Variants in TRAPPC2B observed in about 807,000 individuals in gnomAD.
TRAPPC2B encodes the protein trafficking protein particle complex subunit 2B.
A neutral mutation model predicts 8.4 loss-of-function variants in TRAPPC2B; 5 were observed. That is an observed-to-expected ratio of 0.59 (90% CI 0.31 to 1.25). TRAPPC2B has a LOEUF of 1.25. Among genes scored for constraint, TRAPPC2B ranks in the 50% most tolerant of loss-of-function variants. The probability of loss-of-function intolerance (pLI) is 0.06; values close to 1 mark genes in which losing one functional copy is unlikely to be tolerated. For synonymous variants in TRAPPC2B, 46 were observed against 58.1 expected (o/e 0.79, Z 0.95); for missense variants, 161 against 173.2 (o/e 0.93, Z 0.40).
intron 1 of TRAPPC2B, 114 bp from the exon 2 acceptor site, chr19:57,364,701 A>G (rs2088450336): frequency 2.7e-6 from 2 of 754,618 alleles, no homozygotes; most frequent in South Asian, 3.4e-5. Context: ...AGATCGCGCC[A>G]TTGCACTCCA....
chr19:57,365,098 A>G lies in TRAPPC2B; in HGVS notation c.265A>G (p.Ile89Val), dbSNP rs942808725. ...GHMRFIMLHD[I>V]RQEDGIKNFF... The stretch of plus-strand genomic sequence containing the variant: ...TATGAGGTTTATTATGCTTCATGAC[A>G]TAAGACAAGAAGATGGAATAAAGAA... The change falls in exon 2 of 2, where the codon ATA becomes GTA. Residue 89 changes from isoleucine (I) to valine (V), a missense_variant. By Grantham distance (29) the Ile-to-Val change is conservative. Coordinates refer to ENST00000543226, the MANE Select transcript of TRAPPC2B (RefSeq NM_001355204.2). 4.4e-6 allele frequency: 7 copies of G among 1,608,954 alleles called. No homozygotes were observed. Among genetic ancestry groups the G allele is most frequent in the Admixed American group, 1.7e-5 (1 of 59,834 alleles).
At chr19:57,364,002 TATAACCATGGAAGGTTGTCAAGGGAAG>T (rs1231844177) in intron 1 of TRAPPC2B, 1 of 152,232 alleles carries the variant, frequency 6.6e-6, no homozygotes, top group Non-Finnish European at 1.5e-5. Flanking sequence ...GAGCAGCCGG[TATAACCATGGAAGGTTGTCAAGGGAAG>T]ACCAGTGGGA....
intron 1 of TRAPPC2B, chr19:57,363,908 T>A (rs2088442242): frequency 6.6e-6 from 1 of 152,304 alleles, no homozygotes; most frequent in Non-Finnish European, 1.5e-5. Flanking sequence ...TGCTGCCAAG[T>A]GGGCCGCGTC....
rs1221676574 is a variant in TRAPPC2B at position 57,364,973 on chromosome 19, A to G, written c.140A>G (p.Asp47Gly). The change falls in exon 2 of 2, where the codon GAC (aspartate) becomes GGC (glycine). Residue 47 changes from aspartate (D) to glycine (G), a missense_variant. Transcript: ENST00000543226. ...LNQFIAHAALDLVDENMWLSN... is the reference protein window; with the variant it reads ...LNQFIAHAALGLVDENMWLSN... ...CAGTTCATAGCTCATGCTGCTCTCG[A>G]CCTCGTAGATGAGAACATGTGGCTG... is the stretch of plus-strand genomic sequence containing the variant. 2 of 1,613,050 alleles carry G rather than the reference A, an allele frequency of 1.2e-6. No individual in the cohort carries two copies. The highest frequency in any genetic ancestry group is 1.7e-6 in the Non-Finnish European group (2 of 1,179,168).
rs762797560 is a variant in TRAPPC2B at position 57,365,177 on chromosome 19, A to G, written c.344A>G (p.Tyr115Cys). The change falls in exon 2 of 2, where the codon TAT (tyrosine) becomes TGT (cysteine). Residue 115 changes from tyrosine to cysteine, a missense_variant. Coordinates refer to ENST00000543226, the MANE Select transcript of TRAPPC2B (RefSeq NM_001355204.2). ...LYIKFSMNPF[Y>C]EPNSPIRSSA... The stretch of plus-strand genomic sequence containing the variant: ...ATAAAATTTTCAATGAATCCATTTT[A>G]TGAACCCAATTCTCCTATTCGATCA... The G allele has an allele frequency of 5.0e-6, 8 of 1,593,444 alleles. No homozygotes were observed. The highest frequency in any genetic ancestry group is 3.3e-4 in the Middle Eastern group (2 of 6,052).
chr19:57,364,443 T>TCGGTGGACGCCGTA, intron 1 of TRAPPC2B: 4 of 206,436 alleles, frequency 1.9e-5, no homozygotes, highest in South Asian at 8.0e-5. Context: ...GTGTAGATTC[T>TCGGTGGACGCCGTA]TCAAAAGAAT....
In TRAPPC2B at chr19:57,364,942, C is replaced by A. The variant is rs1303426184; in HGVS notation, c.109C>A (p.Leu37Met). Residue 37 changes from leucine to methionine, a missense_variant, in exon 2 of 2, where the codon CTG (leucine) becomes ATG (methionine). Coordinates refer to ENST00000543226, the MANE Select transcript of TRAPPC2B (RefSeq NM_001355204.2). Reference protein sequence around the residue: ...KAESKDDHRHLNQFIAHAALD... With the variant: ...KAESKDDHRHMNQFIAHAALD... ...AGAATCCAAAGACGACCATCGTCATCTGAACCAGTTCATAGCTCATGCTGC... is the reference window on the plus strand; with the variant it reads ...AGAATCCAAAGACGACCATCGTCATATGAACCAGTTCATAGCTCATGCTGC... The A allele has an allele frequency of 5.0e-6, 8 of 1,613,124 alleles. No individual in the cohort carries two copies. The highest frequency in any genetic ancestry group is 3.4e-6 in the Non-Finnish European group (4 of 1,179,202).
chr19:57,364,562 G>A, intron 1 of TRAPPC2B: 3 of 501,578 alleles, frequency 6.0e-6, no homozygotes, highest in Non-Finnish European at 1.1e-5. Context: ...CCAACATGGT[G>A]AAACCCCGTC....
chr19:57,364,957 G>A lies in TRAPPC2B; in HGVS notation c.124G>A (p.Ala42Thr). The change falls in exon 2 of 2, where the codon GCT (alanine) becomes ACT (threonine). Residue 42 changes from alanine to threonine, a missense_variant. Transcript: ENST00000543226. The stretch of plus-strand genomic sequence containing the variant: ...CCATCGTCATCTGAACCAGTTCATA[G>A]CTCATGCTGCTCTCGACCTCGTAGA... The part of the protein sequence containing the change: ...DDHRHLNQFI[A>T]HAALDLVDEN... 6.2e-7 allele frequency: 1 copy of A among 1,613,106 alleles called. No individual in the cohort carries two copies. The highest frequency in any genetic ancestry group is 8.5e-7 in the Non-Finnish European group (1 of 1,179,204).
At chr19:57,363,780 C>G (rs1396377859) in intron 1 of TRAPPC2B, 77 bp downstream of exon 1, 1 of 149,630 alleles carries the variant, frequency 6.7e-6, no homozygotes, top group East Asian at 2.0e-4. Flanking sequence ...AGAAGGGGCC[C>G]TGCAGGTCAG....
Position 57,364,990 on chromosome 19 carries a change from A to T in TRAPPC2B, c.157A>T (p.Met53Leu), listed in dbSNP as rs1600073960. 6.2e-7 allele frequency: 1 copy of T among 1,613,042 alleles called. No individual in the cohort carries two copies. Among genetic ancestry groups the T allele is most frequent in the East Asian group, 2.2e-5 (1 of 44,874 alleles). Residue 53 changes from methionine (M) to leucine (L), a missense_variant, in exon 2 of 2, where the codon ATG becomes TTG. Coordinates refer to ENST00000543226, the MANE Select transcript of TRAPPC2B (RefSeq NM_001355204.2). ...TGCTCTCGACCTCGTAGATGAGAAC[A>T]TGTGGCTGTCGAACAACATGTACTT... The part of the protein sequence containing the change: ...HAALDLVDEN[M>L]WLSNNMYLKT...
At chr19:57,364,445 CAAA>C in intron 1 of TRAPPC2B, 2 of 191,102 alleles carry the variant, frequency 1.0e-5, no homozygotes, top group Non-Finnish European at 2.2e-5. Context: ...GTAGATTCTT[CAAA>C]AGAATAGAGG....
chr19:57,363,777 G>A (rs1433053588), intron 1 of TRAPPC2B, 74 bp downstream of exon 1: 1 of 152,682 alleles, frequency 6.5e-6, no homozygotes, highest in African/African-American at 2.4e-5. Flanking sequence ...CATAGAAGGG[G>A]CCCTGCAGGT....
Position 57,365,154 on chromosome 19 carries a change from A to G in TRAPPC2B, c.321A>G (p.Ile107Met), listed in dbSNP as rs2088457257. The change falls in exon 2 of 2, where the codon ATA (isoleucine) becomes ATG (methionine). Residue 107 changes from isoleucine (I) to methionine (M), a missense_variant. By Grantham distance (10) the Ile-to-Met change is conservative. Transcript: ENST00000543226. Reference protein sequence around the residue: ...NFFTDVYDLYIKFSMNPFYEP... With the variant: ...NFFTDVYDLYMKFSMNPFYEP... ...TTACTGATGTTTATGATTTATATAT[A>G]AAATTTTCAATGAATCCATTTTATG... 1 of 1,596,980 alleles carries G rather than the reference A, an allele frequency of 6.3e-7. No individual in the cohort carries two copies. The highest frequency in any genetic ancestry group is 1.3e-5 in the African/African-American group (1 of 74,112).
In TRAPPC2B at chr19:57,365,067, G is replaced by A. The variant is rs1049475072; in HGVS notation, c.234G>A (p.Ala78=). The change falls in exon 2 of 2, where the codon GCG becomes GCA. Residue 78 remains alanine, a synonymous_variant. Coordinates refer to ENST00000543226, the MANE Select transcript of TRAPPC2B (RefSeq NM_001355204.2). ...NEWFVSAFVT[A]GHMRFIMLHD... Reference sequence around the variant, plus strand: ...GGTTTGTGTCAGCATTTGTCACCGCGGGGCATATGAGGTTTATTATGCTTC... The same window carrying A: ...GGTTTGTGTCAGCATTTGTCACCGCAGGGCATATGAGGTTTATTATGCTTC... The A allele has an allele frequency of 2.5e-6, 4 of 1,610,832 alleles. No homozygotes were observed. Among genetic ancestry groups the A allele is most frequent in the Admixed American group, 1.7e-5 (1 of 59,872 alleles).
chr19:57,364,756 G>A, intron 1 of TRAPPC2B, 59 bp from the exon 2 acceptor site: 1 of 1,236,280 alleles, frequency 8.1e-7, no homozygotes, highest in South Asian at 1.3e-5. Flanking sequence ...AAGGTGCGGA[G>A]CGCGGGTCTC....
At position 57,365,070 on chromosome 19, in the gene TRAPPC2B, G is replaced by A. The variant is rs765039732; in HGVS notation, c.237G>A (p.Gly79=). The A allele has an allele frequency of 5.2e-5, 83 of 1,610,592 alleles. No homozygotes were observed. The highest frequency in any genetic ancestry group is 2.0e-4 in the South Asian group (18 of 90,926). The change falls in exon 2 of 2, where the codon GGG becomes GGA. Residue 79 remains glycine, a synonymous_variant. Transcript: ENST00000543226. ...EWFVSAFVTA[G]HMRFIMLHDI... ...TTGTGTCAGCATTTGTCACCGCGGG[G>A]CATATGAGGTTTATTATGCTTCATG...
intron 1 of TRAPPC2B, 179 bp from the exon 2 acceptor site, chr19:57,364,636 G>C (rs1173076060): frequency 2.0e-5 from 12 of 605,214 alleles, no homozygotes; most frequent in Non-Finnish European, 3.2e-5. Flanking sequence ...AGCTATTCGG[G>C]AGGCTGAGGC....
chr19:57,364,667 G>A (rs1402255497), intron 1 of TRAPPC2B, 148 bp from the exon 2 acceptor site: 2 of 636,538 alleles, frequency 3.1e-6, no homozygotes, highest in African/African-American at 1.8e-5. Flanking sequence ...CCTGAACCCA[G>A]GAGGTGGAGA....
Sources: gnomAD v4.1 joint callset for allele counts on GRCh38, gnomAD v4.1.1 for gene constraint, MANE v1.5 for transcripts, NCBI Gene and HGNC (gene_info 2026-07-23, HGNC 2026-07-21) for gene names.